The following B3GALT1 variants were observed in gnomAD, a reference collection of about 807,000 sequenced individuals.
B3GALT1 encodes the protein UDP-Gal:betaGlcNAc beta 1,3-galactosyltransferase, polypeptide 1.
A neutral mutation model predicts 23.2 loss-of-function variants in B3GALT1; 10 were observed. The observed-to-expected ratio is 0.43, with a 90% CI of 0.27 to 0.73. B3GALT1 has a LOEUF of 0.73. Among genes scored for constraint, B3GALT1 ranks in the 30% least tolerant of loss-of-function variants. B3GALT1 has a pLI of 0.21. For missense variants in B3GALT1, 299 were observed against 405.4 expected, an observed-to-expected ratio of 0.74 and a Z score of 2.25; for synonymous variants, 156 against 141.5, an observed-to-expected ratio of 1.10 and a Z score of -0.73.
intron 3 of B3GALT1, among the ~76,000 whole-genome samples, chr2:167,735,621 T>C (rs775868184): frequency 6.6e-6 from 1 of 152,158 alleles, no homozygotes; most frequent in Non-Finnish European, 1.5e-5. Context: ...GATATAGATA[T>C]ATATAGATAT....
At chr2:167,566,585 G>A (rs1015622240) in intron 2 of B3GALT1, among the ~76,000 whole-genome samples, 1 of 151,958 alleles carries the variant, frequency 6.6e-6, no homozygotes, top group Non-Finnish European at 1.5e-5. Flanking sequence ...GAATAACGTA[G>A]TCCAGCCTCC....
At chr2:167,783,743 C>T (rs942527343) in intron 3 of B3GALT1, among the ~76,000 whole-genome samples, 6 of 152,094 alleles carry the variant, frequency 3.9e-5, no homozygotes, top group Admixed American at 2.6e-4. Context: ...GACAGTGTGC[C>T]CCTCTAGCTA....
chr2:167,555,813 C>T (rs1445625944), intron 2 of B3GALT1, among the ~76,000 whole-genome samples: 1 of 152,100 alleles, frequency 6.6e-6, no homozygotes, highest in Admixed American at 6.6e-5. Context: ...TTGGGGAATG[C>T]ACTAAGGATG....
intron 3 of B3GALT1, among the ~76,000 whole-genome samples, chr2:167,723,033 G>T (rs1224063134): frequency 2.6e-5 from 4 of 152,162 alleles, no homozygotes; most frequent in Non-Finnish European, 5.9e-5. Context: ...TGTGAAGATA[G>T]TCTCAAAGTT....
chr2:167,313,312 C>T (rs1696662018), intron 1 of B3GALT1, among the ~76,000 whole-genome samples: 1 of 152,104 alleles, frequency 6.6e-6, no homozygotes, highest in South Asian at 2.1e-4. Context: ...ACATCCCAAT[C>T]CCTAAGCTAT....
At chr2:167,486,987 A>T (rs1477821108) in intron 1 of B3GALT1, among the ~76,000 whole-genome samples, 3 of 152,220 alleles carry the variant, frequency 2.0e-5, no homozygotes, top group Non-Finnish European at 4.4e-5. Context: ...TATTTTTGTT[A>T]AAATATGTAC....
intron 2 of B3GALT1, among the ~76,000 whole-genome samples, chr2:167,630,706 A>G (rs1047653480): frequency 4.6e-5 from 7 of 151,768 alleles, no homozygotes; most frequent in African/African-American, 1.7e-4. Flanking sequence ...TTTAATCAAG[A>G]CAGGGTGTAT....
intron 1 of B3GALT1, among the ~76,000 whole-genome samples, chr2:167,357,028 GTGTA>G (rs1219511186): frequency 6.7e-6 from 1 of 149,966 alleles, no homozygotes; most frequent in Admixed American, 6.6e-5. Flanking sequence ...ATGTGTGTGT[GTGTA>G]TATATATATA....
chr2:167,458,528 T>C (rs997310201), intron 1 of B3GALT1, among the ~76,000 whole-genome samples: 3 of 152,194 alleles, frequency 2.0e-5, no homozygotes, highest in Non-Finnish European at 4.4e-5. Flanking sequence ...TTTGAGAAAC[T>C]TCTCTACTGT....
chr2:167,534,046 C>T (rs1274850273), intron 2 of B3GALT1, among the ~76,000 whole-genome samples: 1 of 152,094 alleles, frequency 6.6e-6, no homozygotes, highest in Non-Finnish European at 1.5e-5. Flanking sequence ...TTTATTCTGA[C>T]TGATATTAAT....
At chr2:167,540,682 T>C (rs1486832361) in intron 2 of B3GALT1, among the ~76,000 whole-genome samples, 1 of 152,226 alleles carries the variant, frequency 6.6e-6, no homozygotes, top group Non-Finnish European at 1.5e-5. Context: ...CTCCATCTGG[T>C]AGACAAGCAT....
intron 4 of B3GALT1, among the ~76,000 whole-genome samples, chr2:167,849,398 A>C (rs1689824913): frequency 6.6e-6 from 1 of 152,208 alleles, no homozygotes; most frequent in African/African-American, 2.4e-5. Flanking sequence ...GACCGATGGA[A>C]CAGAATAGAC....
At chr2:167,449,400 ACT>A (rs1299721026) in intron 1 of B3GALT1, among the ~76,000 whole-genome samples, 7 of 152,060 alleles carry the variant, frequency 4.6e-5, no homozygotes, top group African/African-American at 1.7e-4. Flanking sequence ...CAGCTTGGTC[ACT>A]GTTGGTGTAT....
chr2:167,296,888 C>T (rs1005562403), intron 1 of B3GALT1, among the ~76,000 whole-genome samples: 1 of 152,044 alleles, frequency 6.6e-6, no homozygotes, highest in Non-Finnish European at 1.5e-5. Flanking sequence ...CTCCTACCAA[C>T]CTGTTTATTC....
At chr2:167,336,852 G>GT (rs1156503585) in intron 1 of B3GALT1, among the ~76,000 whole-genome samples, 2 of 152,072 alleles carry the variant, frequency 1.3e-5, no homozygotes, top group African/African-American at 4.8e-5. Flanking sequence ...ATCCTGAAAT[G>GT]TGTCATGAAT....
chr2:167,653,655 C>T (rs987669035), intron 3 of B3GALT1, among the ~76,000 whole-genome samples: 10 of 152,254 alleles, frequency 6.6e-5, no homozygotes, highest in South Asian at 4.1e-4. Flanking sequence ...GTTGCAGGCT[C>T]ACGCTCCTAA....
At chr2:167,769,018 C>A (rs1688025772) in intron 3 of B3GALT1, among the ~76,000 whole-genome samples, 1 of 152,136 alleles carries the variant, frequency 6.6e-6, no homozygotes, top group Non-Finnish European at 1.5e-5. Flanking sequence ...ATGTTCTCAC[C>A]TTTAAAGGAC....
intron 1 of B3GALT1, among the ~76,000 whole-genome samples, chr2:167,324,806 A>C (rs1419059784): frequency 1.3e-5 from 2 of 152,010 alleles, no homozygotes; most frequent in Non-Finnish European, 2.9e-5. Flanking sequence ...TAGAACTTAC[A>C]TCTTCCGTCT....
At chr2:167,865,588 G>A (rs763457547) in intron 4 of B3GALT1, among the ~76,000 whole-genome samples, 10 of 152,066 alleles carry the variant, frequency 6.6e-5, no homozygotes, top group Admixed American at 3.3e-4. Flanking sequence ...TCAGGAGATC[G>A]AGACCCTCCT....
Sources: allele counts gnomAD v4.1 joint callset (sites outside exome capture counted in the v4.1 genomes callset), GRCh38; gene constraint gnomAD v4.1.1; transcripts MANE v1.5; gene names NCBI Gene and HGNC (gene_info 2026-07-23, HGNC 2026-07-21).